The following UNC5D variants were observed in gnomAD, a reference collection of about 807,000 sequenced individuals.
The protein encoded by UNC5D is unc-5 netrin receptor D, also known as netrin receptor UNC5D.
A neutral mutation model predicts 105.4 loss-of-function variants in UNC5D; 39 were observed. That is an observed-to-expected ratio of 0.37 (90% CI 0.29 to 0.48). UNC5D has a LOEUF of 0.48. Among genes scored for constraint, UNC5D ranks in the 20% least tolerant of loss-of-function variants. The pLI, the probability that UNC5D is intolerant of heterozygous loss-of-function variation, is 0.98. For synonymous variants in UNC5D, 452 were observed against 450.4 expected, an observed-to-expected ratio of 1.00 and a Z score of -0.04; for missense variants, 991 against 1,202.4, an observed-to-expected ratio of 0.82 and a Z score of 2.60.
chr8:35,677,435 G>A (rs1458112202), intron 4 of UNC5D, among the ~76,000 whole-genome samples: 1 of 152,024 alleles, frequency 6.6e-6, no homozygotes, highest in East Asian at 1.9e-4. Flanking sequence ...TGGCCCCCAG[G>A]AACATTGGAG....
intron 2 of UNC5D, among the ~76,000 whole-genome samples, chr8:35,563,359 G>A (rs1817099157): frequency 7.7e-6 from 1 of 130,316 alleles, no homozygotes; most frequent in Non-Finnish European, 1.6e-5. Context: ...TTTTTTGTGG[G>A]GGGTGGGGGG....
intron 2 of UNC5D, among the ~76,000 whole-genome samples, chr8:35,554,131 C>T (rs573077527): frequency 3.9e-5 from 6 of 152,258 alleles, no homozygotes; most frequent in Admixed American, 2.0e-4. Context: ...CAGAATCTTT[C>T]GTGTTCCTAA....
intron 1 of UNC5D, among the ~76,000 whole-genome samples, chr8:35,417,435 T>C (rs1226873787): frequency 6.7e-6 from 1 of 150,304 alleles, no homozygotes; most frequent in Non-Finnish European, 1.5e-5. Context: ...GTACTTAGAT[T>C]AAGCTTGGAT....
chr8:35,467,353 G>A (rs996762690), intron 1 of UNC5D, among the ~76,000 whole-genome samples: 7 of 152,116 alleles, frequency 4.6e-5, no homozygotes, highest in Non-Finnish European at 8.8e-5. Flanking sequence ...GAAGTGGGAA[G>A]TGTGTGGACA....
In UNC5D at chr8:35,749,989, T is replaced by TAAAAAAAAAAAAAAAAA. The variant is rs11380512; in HGVS notation, c.1936-581_1936-580insAAAAAAAAAAAAAAAAA. On this transcript the variant is annotated intron_variant, in intron 12 of 16. Coordinates refer to ENST00000404895, the MANE Select transcript of UNC5D (RefSeq NM_080872.4). Reference sequence around the variant, plus strand: ...TTTAAAGAGTTGTCAGAAATAGTTGTAAAAAAAAAAAAGTTTGCTTATTGA... The same window carrying TAAAAAAAAAAAAAAAAA: ...TTTAAAGAGTTGTCAGAAATAGTTGTAAAAAAAAAAAAAAAAAAAAAAAAAAAAAGTTTGCTTATTGA... Among the ~76,000 whole-genome samples, 936 of 136,604 alleles carry TAAAAAAAAAAAAAAAAA rather than the reference T, an allele frequency of 6.9e-3. 58 individuals carry two copies. Among genetic ancestry groups the TAAAAAAAAAAAAAAAAA allele is most frequent in the African/African-American group, 0.03 (881 of 29,644 alleles). 89.6% of individuals were successfully genotyped at this position (136,604 alleles called of 152,430 possible).
chr8:35,707,808 A>G (rs1165507072), intron 8 of UNC5D, among the ~76,000 whole-genome samples: 3 of 152,058 alleles, frequency 2.0e-5, no homozygotes, highest in East Asian at 1.9e-4. Context: ...GTCCTTAGGG[A>G]CTTCAGAATT....
intron 3 of UNC5D, among the ~76,000 whole-genome samples, chr8:35,578,971 A>G (rs928249557): frequency 2.0e-5 from 3 of 152,350 alleles, no homozygotes; most frequent in Admixed American, 1.3e-4. Flanking sequence ...GAAGGAAATC[A>G]CAGCTTAATT....
At position 35,607,264 on chromosome 8, in the gene UNC5D, A is replaced by G. The variant is rs779951502; in HGVS notation, c.570+11607A>G. On this transcript the variant is annotated intron_variant, in intron 4 of 16. Coordinates refer to ENST00000404895, the MANE Select transcript of UNC5D (RefSeq NM_080872.4). ...TTCTGGTATCTACCTTTTCTGACAC[A>G]TTTCCAAATTGTAGTTACTCACTTC... 5.5e-4 allele frequency among the ~76,000 whole-genome samples: 83 copies of G among 152,146 alleles called. 1 individual carries two copies. The highest frequency in any genetic ancestry group is 2.3e-3 in the Admixed American group (35 of 15,268).
chr8:35,404,152 G>A (rs910845459), intron 1 of UNC5D, among the ~76,000 whole-genome samples: 1 of 152,168 alleles, frequency 6.6e-6, no homozygotes, highest in Non-Finnish European at 1.5e-5. Flanking sequence ...CAACCCTTCT[G>A]ATAAATGGTA....
chr8:35,387,207 A>T (rs1219837772), intron 1 of UNC5D, among the ~76,000 whole-genome samples: 1 of 151,834 alleles, frequency 6.6e-6, no homozygotes, highest in African/African-American at 2.4e-5. Flanking sequence ...AAAAAATACA[A>T]CAAAAATTAG....
At chr8:35,283,513 G>T (rs1806355276) in intron 1 of UNC5D, among the ~76,000 whole-genome samples, 1 of 152,092 alleles carries the variant, frequency 6.6e-6, no homozygotes, top group African/African-American at 2.4e-5. Context: ...TGTAATCCCA[G>T]CACTTTGGGA....
At chr8:35,410,294 T>G (rs571956798) in intron 1 of UNC5D, among the ~76,000 whole-genome samples, 1 of 152,030 alleles carries the variant, frequency 6.6e-6, no homozygotes, top group East Asian at 1.9e-4. Flanking sequence ...AGTAAAGGAA[T>G]GTACACATTA....
intron 4 of UNC5D, among the ~76,000 whole-genome samples, chr8:35,621,950 A>G (rs17353731): frequency 0.16 from 24,952 of 152,238 alleles, 2,254 homozygotes; most frequent in South Asian, 0.26. Flanking sequence ...CTTCAGAGCA[A>G]GGAAAGCTTA....
intron 7 of UNC5D, among the ~76,000 whole-genome samples, chr8:35,692,111 C>T (rs1044793145): frequency 3.2e-4 from 48 of 152,236 alleles, no homozygotes; most frequent in African/African-American, 1.1e-3. Flanking sequence ...ACTGAAATAT[C>T]AGTAAAACGG....
chr8:35,392,788 A>G (rs1469843609), intron 1 of UNC5D, among the ~76,000 whole-genome samples: 1 of 152,180 alleles, frequency 6.6e-6, no homozygotes, highest in African/African-American at 2.4e-5. Flanking sequence ...TGGAAGATGG[A>G]TTTCACAGAA....
chr8:35,663,829 C>T (rs1031231097), intron 4 of UNC5D, among the ~76,000 whole-genome samples: 2 of 152,156 alleles, frequency 1.3e-5, no homozygotes, highest in African/African-American at 2.4e-5. Context: ...GTTCCCTACT[C>T]ACAGTAGAAA....
intron 4 of UNC5D, among the ~76,000 whole-genome samples, chr8:35,665,608 A>AT (rs1021458123): frequency 3.8e-4 from 57 of 151,498 alleles, no homozygotes; most frequent in African/African-American, 1.3e-3. Flanking sequence ...CAACCTCCCA[A>AT]AAAGCCCATG....
intron 4 of UNC5D, among the ~76,000 whole-genome samples, chr8:35,611,251 C>T (rs910426411): frequency 2.6e-5 from 4 of 152,090 alleles, no homozygotes; most frequent in Non-Finnish European, 5.9e-5. Flanking sequence ...CTGCTAAGAC[C>T]AGCCTACTCC....
chr8:35,239,741 C>G (rs1802687935), intron 1 of UNC5D, among the ~76,000 whole-genome samples: 1 of 146,066 alleles, frequency 6.8e-6, no homozygotes, highest in African/African-American at 2.4e-5. Context: ...ACATCATTGT[C>G]TTCTCTTCCT....
Sources: gnomAD v4.1 joint callset for allele counts (sites outside exome capture counted in the v4.1 genomes callset) on GRCh38, gnomAD v4.1.1 for gene constraint, MANE v1.5 for transcripts, NCBI Gene and HGNC (gene_info 2026-07-23, HGNC 2026-07-21) for gene names.